TENM4: variants seen among roughly 807,000 people sequenced by gnomAD.
TENM4 encodes teneurin transmembrane protein 4.
In TENM4, 82 loss-of-function variants were observed where a neutral mutation model predicts 243.3. That is an observed-to-expected ratio of 0.34 (90% CI 0.28 to 0.40). The LOEUF is 0.40. TENM4 is among the 10% of genes least tolerant of loss of function. The pLI, the probability that TENM4 is intolerant of heterozygous loss-of-function variation, is 1.00. For missense variants in TENM4, 3,138 were observed against 3,673.3 expected (o/e 0.85, Z 3.77); for synonymous variants, 1,412 against 1,456.3 (o/e 0.97, Z 0.69).
At chr11:78,940,164 T>C (rs1591147251) in intron 6 of TENM4, among the ~76,000 whole-genome samples, 1 of 152,328 alleles carries the variant, frequency 6.6e-6, no homozygotes, top group Non-Finnish European at 1.5e-5. Flanking sequence ...TCAAATTAGG[T>C]TCATACTGTA....
chr11:78,871,802 T>A (rs1859136871), intron 9 of TENM4, among the ~76,000 whole-genome samples: 1 of 152,128 alleles, frequency 6.6e-6, no homozygotes, highest in South Asian at 2.1e-4. Flanking sequence ...GGGCAGGGAT[T>A]ATTCCAGTCA....
chr11:79,436,514 C>T (rs575306582), intron 1 of TENM4, among the ~76,000 whole-genome samples: 12 of 152,252 alleles, frequency 7.9e-5, no homozygotes, highest in African/African-American at 2.6e-4. Flanking sequence ...CCCACAAAAC[C>T]ACAAAAGATT....
At chr11:79,264,462 A>G (rs777088815) in intron 2 of TENM4, among the ~76,000 whole-genome samples, 27 of 152,200 alleles carry the variant, frequency 1.8e-4, no homozygotes, top group Non-Finnish European at 3.8e-4. Context: ...TTGTTCTTGA[A>G]GAGGCAACAC....
At chr11:79,327,963 ACCTGATCAAGTC>A (rs1402887390) in intron 1 of TENM4, among the ~76,000 whole-genome samples, 2 of 152,262 alleles carry the variant, frequency 1.3e-5, no homozygotes, top group Admixed American at 1.3e-4. Context: ...CAGCCCCACA[ACCTGATCAAGTC>A]CCTTCTGCCA....
At chr11:79,180,312 G>T (rs1458793267) in intron 3 of TENM4, among the ~76,000 whole-genome samples, 1 of 151,662 alleles carries the variant, frequency 6.6e-6, no homozygotes, top group Non-Finnish European at 1.5e-5. Context: ...ATGGCCATGA[G>T]GTAGACAGTC....
At chr11:79,359,821 A>C (rs902251427) in intron 1 of TENM4, among the ~76,000 whole-genome samples, 2 of 152,316 alleles carry the variant, frequency 1.3e-5, no homozygotes, top group African/African-American at 4.8e-5. Context: ...GTATCCCCAG[A>C]GAGCTCTGGG....
intron 15 of TENM4, among the ~76,000 whole-genome samples, chr11:78,800,448 G>C (rs541926970): frequency 1.3e-5 from 2 of 152,242 alleles, no homozygotes; most frequent in East Asian, 3.9e-4. Flanking sequence ...TTTGGTGTTA[G>C]CCCAGCACAC....
At chr11:78,967,203 T>C (rs898316202) in intron 6 of TENM4, among the ~76,000 whole-genome samples, 3 of 152,170 alleles carry the variant, frequency 2.0e-5, no homozygotes, top group Admixed American at 2.0e-4. Flanking sequence ...AACATTTCTC[T>C]CCCTGCAGTA....
intron 2 of TENM4, among the ~76,000 whole-genome samples, chr11:79,221,630 T>C (rs1317757593): frequency 6.6e-6 from 1 of 151,722 alleles, no homozygotes; most frequent in Non-Finnish European, 1.5e-5. Context: ...CTGCCTCTCC[T>C]CCCACCTTGC....
intron 6 of TENM4, among the ~76,000 whole-genome samples, chr11:79,003,476 T>A (rs1858389445): frequency 6.6e-6 from 1 of 152,092 alleles, no homozygotes; most frequent in Admixed American, 6.5e-5. Flanking sequence ...CCCACAAGCC[T>A]GAAATTGGGG....
chr11:79,227,549 C>T (rs2135253141), intron 2 of TENM4, among the ~76,000 whole-genome samples: 1 of 152,346 alleles, frequency 6.6e-6, no homozygotes, highest in Non-Finnish European at 1.5e-5. Flanking sequence ...ACAGCACTGA[C>T]TGCTGCACTG....
intron 2 of TENM4, among the ~76,000 whole-genome samples, chr11:79,258,474 A>C (rs1855738520): frequency 6.6e-6 from 1 of 152,170 alleles, no homozygotes; most frequent in Admixed American, 6.5e-5. Flanking sequence ...ACAACTTCTC[A>C]TCCTTCCTTG....
chr11:78,959,228 A>G (rs979295858), intron 6 of TENM4, among the ~76,000 whole-genome samples: 15 of 152,228 alleles, frequency 9.9e-5, no homozygotes, highest in Non-Finnish European at 1.5e-4. Flanking sequence ...TCTCGGAGGA[A>G]GGATTATAAG....
intron 7 of TENM4, among the ~76,000 whole-genome samples, chr11:78,897,924 TTGAGA>T (rs1855836077): frequency 6.6e-6 from 1 of 152,126 alleles, no homozygotes; most frequent in Non-Finnish European, 1.5e-5. Flanking sequence ...CCTACCAGGC[TTGAGA>T]TGAGATGAGC....
chr11:78,915,333 C>T (rs1432887902), intron 6 of TENM4, among the ~76,000 whole-genome samples: 2 of 152,130 alleles, frequency 1.3e-5, no homozygotes, highest in African/African-American at 2.4e-5. Flanking sequence ...CATTTGTTTA[C>T]GGGTCTGTCT....
At chr11:78,751,132 C>T (rs780255880) in intron 19 of TENM4, among the ~76,000 whole-genome samples, 24 of 152,126 alleles carry the variant, frequency 1.6e-4, no homozygotes, top group Non-Finnish European at 2.6e-4. Context: ...CCATCTGCCT[C>T]GGCCTCCCAA....
chr11:79,260,723 G>T (rs565931688), intron 2 of TENM4, among the ~76,000 whole-genome samples: 1 of 152,158 alleles, frequency 6.6e-6, no homozygotes, highest in African/African-American at 2.4e-5. Context: ...GCACGCCTCC[G>T]GTGCCAACTC....
intron 4 of TENM4, among the ~76,000 whole-genome samples, chr11:79,142,045 A>G (rs1038543172): frequency 3.3e-5 from 5 of 152,110 alleles, no homozygotes; most frequent in African/African-American, 1.2e-4. Flanking sequence ...TGAGTGGGGA[A>G]AAACTAAAAG....
At chr11:78,817,275 A>G (rs543256897) in intron 12 of TENM4, among the ~76,000 whole-genome samples, 3 of 152,338 alleles carry the variant, frequency 2.0e-5, no homozygotes, top group African/African-American at 7.2e-5. Context: ...CAAGGTCTTA[A>G]AGTGTCAACT....
Sources: gnomAD v4.1 joint callset for allele counts (sites outside exome capture counted in the v4.1 genomes callset) on GRCh38, gnomAD v4.1.1 for gene constraint, MANE v1.5 for transcripts, NCBI Gene and HGNC (gene_info 2026-07-23, HGNC 2026-07-21) for gene names.